UBE2J2: variants seen among roughly 807,000 people sequenced by gnomAD.
UBE2J2 encodes the protein ubiquitin conjugating enzyme E2 J2.
A neutral mutation model predicts 28.6 loss-of-function variants in UBE2J2; 5 were observed. The observed-to-expected ratio is 0.17, with a 90% CI of 0.09 to 0.37. The LOEUF is 0.37. Among genes scored for constraint, UBE2J2 ranks in the 10% least tolerant of loss-of-function variants. The probability of loss-of-function intolerance (pLI) is 1.00; values close to 1 mark genes in which losing one functional copy is unlikely to be tolerated. For missense variants in UBE2J2, 226 were observed against 338.9 expected (o/e 0.67, Z 2.62); for synonymous variants, 138 against 139.7 (o/e 0.99, Z 0.09).
At chr1:1,263,697 T>G (rs1255411851) in intron 2 of UBE2J2, 5 of 271,644 alleles carry the variant, frequency 1.8e-5, no homozygotes, top group Non-Finnish European at 2.9e-5. Flanking sequence ...TAAATAAATT[T>G]TAATTTCACA....
At chr1:1,266,139 G>T in intron 2 of UBE2J2, 1 of 1,304,002 alleles carries the variant, frequency 7.7e-7, no homozygotes, top group South Asian at 1.2e-5. Context: ...TTTCAACACT[G>T]GGGGCAGAGA....
intron 2 of UBE2J2, 94 bp downstream of exon 2, chr1:1,267,768 A>G: frequency 6.4e-7 from 1 of 1,571,898 alleles, no homozygotes; most frequent in East Asian, 2.3e-5. Flanking sequence ...TGCCAATGCC[A>G]TGACTGGGGC....
chr1:1,256,096 T>G lies in UBE2J2; in HGVS notation c.444A>C (p.Ala148=), dbSNP rs755536000. 3 of 1,613,594 alleles carry G rather than the reference T, an allele frequency of 1.9e-6. No individual in the cohort carries two copies. The Admixed American group carries it at 5.0e-5, about 27-fold the overall frequency. The change falls in exon 6 of 7, where the codon GCA becomes GCC. Residue 148 remains alanine, a synonymous_variant. Coordinates refer to ENST00000349431, the MANE Select transcript of UBE2J2 (RefSeq NM_058167.3). ...TKRQLAVQSL[A]FNLKDKVFCE... is the part of the protein sequence containing the mutation. ...AAAAGACTTTATCTTTCAAATTAAA[T>G]GCTAAACTCTGCACTGCCAGTTGTC...
chr1:1,256,154 G>A (rs749226958), intron 5 of UBE2J2, 29 bp from the exon 6 acceptor site: 1 of 1,500,816 alleles, frequency 6.7e-7, no homozygotes, highest in South Asian at 1.1e-5. Context: ...GAATCAGCCA[G>A]AAAACTAATT....
chr1:1,258,918 G>A (rs988389779), intron 3 of UBE2J2, among the ~76,000 whole-genome samples: 1 of 152,248 alleles, frequency 6.6e-6, no homozygotes, highest in Non-Finnish European at 1.5e-5. Context: ...TTCAGAGCTT[G>A]GGGCCAACCC....
At position 1,255,271 on chromosome 1, in the gene UBE2J2, C is replaced by A. The variant is rs1390465563; in HGVS notation, c.712G>T (p.Val238Leu). The A allele has an allele frequency of 6.2e-7, 1 of 1,613,418 alleles. No individual in the cohort carries two copies. The highest frequency in any genetic ancestry group is 8.5e-7 in the Non-Finnish European group (1 of 1,179,812). ...GCAAAGGCTGCAAACCCAACTATCA[C>A]AAACAAGTTCGCCAGGGCGCCACCC... ...LLGGALANLF[V>L]IVGFAAFAYT... Residue 238 changes from valine to leucine, a missense_variant, in exon 7 of 7, where the codon GTG becomes TTG. Around this residue, in one of 3 missense-constraint regions of UBE2J2, gnomAD observed 133 missense variants for 161.5 expected, o/e 0.82. Transcript: ENST00000349431.
chr1:1,255,800 C>G (rs755077138), intron 6 of UBE2J2, among the ~76,000 whole-genome samples: 2 of 152,202 alleles, frequency 1.3e-5, no homozygotes, highest in Non-Finnish European at 2.9e-5. Context: ...CAGCTGGCTG[C>G]TCAGAACCAC....
intron 3 of UBE2J2, 96 bp from the exon 4 acceptor site, chr1:1,257,406 C>CG (rs1204032536): frequency 1.1e-5 from 6 of 561,018 alleles, no homozygotes; most frequent in Admixed American, 5.1e-5. Flanking sequence ...CCCCCCCCCC[C>CG]CCTCAGCTCG....
chr1:1,262,850 G>T (rs1043060007), intron 3 of UBE2J2: 11 of 172,314 alleles, frequency 6.4e-5, no homozygotes, highest in Non-Finnish European at 1.0e-4. Context: ...CTTGGTAGTC[G>T]ATGAAGGGCT....
At position 1,257,343 on chromosome 1, in the gene UBE2J2, G is replaced by A. The variant is rs774061636; in HGVS notation, c.173-33C>T. 7.3e-5 allele frequency: 102 copies of A among 1,402,196 alleles called. No individual in the cohort carries two copies. The Middle Eastern group carries it at 7.6e-4, about 10-fold the overall frequency. 86.9% of individuals were successfully genotyped at this position (1,402,196 alleles called of 1,614,324 possible). Reference sequence around the variant, plus strand: ...GAAACAAAACAGAAAGGGCCTTGTCGTCCGCCACAGCAGGGGCTCCTGGAG... The same window carrying A: ...GAAACAAAACAGAAAGGGCCTTGTCATCCGCCACAGCAGGGGCTCCTGGAG... On this transcript the variant is annotated intron_variant, in intron 3 of 6. Transcript: ENST00000349431.
intron 2 of UBE2J2, among the ~76,000 whole-genome samples, chr1:1,264,281 A>T (rs993998638): frequency 2.0e-5 from 3 of 152,206 alleles, no homozygotes; most frequent in African/African-American, 7.2e-5. Context: ...CCTCCACACA[A>T]ATAAATAAGG....
intron 2 of UBE2J2, among the ~76,000 whole-genome samples, chr1:1,267,196 C>G: frequency 6.6e-6 from 1 of 152,110 alleles, no homozygotes; most frequent in East Asian, 1.9e-4. Context: ...GCCTCTCACA[C>G]TTTATTTCTT....
chr1:1,262,340 T>G (rs956035580), intron 3 of UBE2J2: 1 of 456,174 alleles, frequency 2.2e-6, no homozygotes, highest in African/African-American at 2.0e-5. Flanking sequence ...CCTACAGATG[T>G]ACTCCCGCAC....
At chr1:1,256,277 T>C in intron 5 of UBE2J2, 152 bp from the exon 6 acceptor site, 1 of 583,578 alleles carries the variant, frequency 1.7e-6, no homozygotes. Context: ...ACTTATAGTC[T>C]TACAAAGCCT....
Position 1,255,181 on chromosome 1 carries a change from C to T in UBE2J2, c.*22G>A. On this transcript the variant is annotated 3_prime_UTR_variant, in exon 7 of 7. Transcript: ENST00000349431. ...TGGTGCGCGGTGCCCTCAGTGGCGC[C>T]TTGGGTCTCGGCGCCTGGGCCTCAC... 6.4e-7 allele frequency: 1 copy of T among 1,563,346 alleles called. No individual in the cohort carries two copies.
At chr1:1,260,570 C>CCA (rs140487070) in intron 3 of UBE2J2, among the ~76,000 whole-genome samples, 3 of 152,116 alleles carry the variant, frequency 2.0e-5, no homozygotes, top group African/African-American at 4.8e-5. Flanking sequence ...GCACCAAGAG[C>CCA]CACACACACA....
chr1:1,266,005 AC>A, intron 2 of UBE2J2: 1 of 1,267,228 alleles, frequency 7.9e-7, no homozygotes, highest in Non-Finnish European at 1.0e-6. Flanking sequence ...GGGACGCCTG[AC>A]CCACAGATTT....
chr1:1,255,889 G>A (rs762544010), intron 6 of UBE2J2, among the ~76,000 whole-genome samples, 156 bp downstream of exon 6: 43 of 152,368 alleles, frequency 2.8e-4, no homozygotes, highest in Non-Finnish European at 5.0e-4. Flanking sequence ...CCAGAGCCCA[G>A]GCTTTCTGCC....
chr1:1,263,416 T>A (rs778729792), intron 2 of UBE2J2, 30 bp from the exon 3 acceptor site: 1 of 1,602,198 alleles, frequency 6.2e-7, no homozygotes, highest in Non-Finnish European at 8.6e-7. Flanking sequence ...TACTTGGGAT[T>A]TGAGGACAGC....
Sources: allele counts gnomAD v4.1 joint callset (sites outside exome capture counted in the v4.1 genomes callset), GRCh38; gene constraint gnomAD v4.1.1; regional missense constraint gnomAD v4.1.1; transcripts MANE v1.5; gene names NCBI Gene and HGNC (gene_info 2026-07-23, HGNC 2026-07-21).